CTIF: variants seen among roughly 807,000 people sequenced by gnomAD.
CTIF encodes the protein cap binding complex dependent translation initiation factor, also known as CBP80/20-dependent translation initiation factor.
Under a neutral mutation model 66.0 loss-of-function variants are expected in CTIF, and 21 were observed. That is an observed-to-expected ratio of 0.32 (90% CI 0.23 to 0.46). CTIF has a LOEUF of 0.46. CTIF is among the 20% of genes least tolerant of loss of function. The pLI is 1.00. For synonymous variants in CTIF, 345 were observed against 326.4 expected (o/e 1.06, Z -0.62); for missense variants, 739 against 812.7 (o/e 0.91, Z 1.10).
At chr18:48,632,357 G>A (rs1033485341) in intron 2 of CTIF, among the ~76,000 whole-genome samples, 4 of 152,174 alleles carry the variant, frequency 2.6e-5, no homozygotes, top group African/African-American at 7.2e-5. Flanking sequence ...TCCTCCTGCT[G>A]GGGGTTGTGC....
At chr18:48,603,565 G>T (rs1194237450) in intron 1 of CTIF, among the ~76,000 whole-genome samples, 1 of 149,802 alleles carries the variant, frequency 6.7e-6, no homozygotes, top group Admixed American at 6.6e-5. Flanking sequence ...ATGGATAAAT[G>T]GGGGGGTGGA....
At chr18:48,583,012 C>T (rs2089693290) in intron 1 of CTIF, among the ~76,000 whole-genome samples, 1 of 152,220 alleles carries the variant, frequency 6.6e-6, no homozygotes, top group South Asian at 2.1e-4. Flanking sequence ...CTGGTATGCC[C>T]AGGGTGTGCC....
intron 7 of CTIF, among the ~76,000 whole-genome samples, chr18:48,755,538 G>C (rs1908267443): frequency 6.6e-6 from 1 of 152,202 alleles, no homozygotes; most frequent in African/African-American, 2.4e-5. Flanking sequence ...TCCAGGTGCT[G>C]GTGCTGATAG....
At chr18:48,606,587 C>T (rs2090205788) in intron 1 of CTIF, among the ~76,000 whole-genome samples, 1 of 152,238 alleles carries the variant, frequency 6.6e-6, no homozygotes, top group Admixed American at 6.5e-5. Context: ...ACTTCTGGCA[C>T]CCTGGACAGG....
chr18:48,733,825 C>T (rs1406869822), intron 7 of CTIF, among the ~76,000 whole-genome samples: 1 of 152,216 alleles, frequency 6.6e-6, no homozygotes, highest in Non-Finnish European at 1.5e-5. Flanking sequence ...TTGCTCCCAA[C>T]TCACCCTCGC....
intron 9 of CTIF, among the ~76,000 whole-genome samples, chr18:48,805,469 G>A (rs2068126529): frequency 1.3e-5 from 2 of 152,114 alleles, no homozygotes; most frequent in Admixed American, 1.3e-4. Flanking sequence ...CCTGAGGGGA[G>A]AGTCTGACAC....
In CTIF at chr18:48,632,411, C is replaced by T. The variant is rs577689764; in HGVS notation, c.181-4203C>T. Among the ~76,000 whole-genome samples the T allele has an allele frequency of 2.6e-4, 39 of 152,304 alleles. No individual in the cohort carries two copies. The South Asian group carries it at 7.7e-3, about 30-fold the overall frequency. Reference sequence around the variant, plus strand: ...GGTCTCTGGAATGAGGCTCTGTGGACTCCACCATCTTGCTGGCTTTCTTGT... The same window carrying T: ...GGTCTCTGGAATGAGGCTCTGTGGATTCCACCATCTTGCTGGCTTTCTTGT... On this transcript the variant is annotated intron_variant, in intron 2 of 11. Coordinates refer to ENST00000256413, the MANE Select transcript of CTIF (RefSeq NM_014772.3).
At chr18:48,565,579 GC>G (rs2089262287) in intron 1 of CTIF, 1 of 152,176 alleles carries the variant, frequency 6.6e-6, no homozygotes, top group African/African-American at 2.4e-5. Flanking sequence ...CCCAGAACCA[GC>G]CATGGAAACC....
intron 7 of CTIF, among the ~76,000 whole-genome samples, chr18:48,757,019 T>C (rs911441110): frequency 1.3e-5 from 2 of 152,194 alleles, no homozygotes; most frequent in African/African-American, 4.8e-5. Flanking sequence ...GATGAAGGTG[T>C]CGGTGGGGTT....
chr18:48,728,470 G>T (rs867270407), intron 7 of CTIF, among the ~76,000 whole-genome samples: 121 of 152,274 alleles, frequency 7.9e-4, no homozygotes, highest in African/African-American at 2.7e-3. Flanking sequence ...AGTTTATGAC[G>T]GTCAAGCATC....
At chr18:48,788,077 C>A (rs910953372) in intron 9 of CTIF, among the ~76,000 whole-genome samples, 2 of 151,470 alleles carry the variant, frequency 1.3e-5, no homozygotes, top group African/African-American at 4.9e-5. Context: ...GAGCTGGGAC[C>A]CCCCCTTTCA....
At chr18:48,804,614 C>A (rs1402670228) in intron 9 of CTIF, among the ~76,000 whole-genome samples, 2 of 152,230 alleles carry the variant, frequency 1.3e-5, no homozygotes, top group African/African-American at 4.8e-5. Context: ...TATTCAGCAC[C>A]TACTTTGCAC....
intron 7 of CTIF, among the ~76,000 whole-genome samples, chr18:48,725,132 C>T (rs1230944560): frequency 6.6e-6 from 1 of 152,218 alleles, no homozygotes; most frequent in Non-Finnish European, 1.5e-5. Flanking sequence ...TCCAGACTGG[C>T]TCTGCATGTC....
In CTIF at chr18:48,693,977, C is replaced by T. The variant is rs542077069; in HGVS notation, c.508-17642C>T. On this transcript the variant is annotated intron_variant, in intron 6 of 11. Transcript: ENST00000256413. ...TGCAGTTTATGCGTTGGTGCCTATGCGGGGAATTTTTAAAACCACATTTTG... is the reference window on the plus strand; with the variant it reads ...TGCAGTTTATGCGTTGGTGCCTATGTGGGGAATTTTTAAAACCACATTTTG... Among the ~76,000 whole-genome samples, 12 of 152,324 alleles carry T rather than the reference C, an allele frequency of 7.9e-5. 1 individual carries two copies. Among genetic ancestry groups the T allele is most frequent in the South Asian group, 4.1e-4 (2 of 4,826 alleles).
chr18:48,601,735 T>C (rs2090094736), intron 1 of CTIF, among the ~76,000 whole-genome samples: 1 of 152,244 alleles, frequency 6.6e-6, no homozygotes, highest in South Asian at 2.1e-4. Context: ...TATGTTCAAC[T>C]CACTGTCTTG....
intron 6 of CTIF, among the ~76,000 whole-genome samples, chr18:48,708,003 A>G (rs1433214882): frequency 1.3e-5 from 2 of 152,198 alleles, no homozygotes; most frequent in African/African-American, 4.8e-5. Context: ...CTTTCCCTGA[A>G]CATGATGTTT....
intron 1 of CTIF, among the ~76,000 whole-genome samples, chr18:48,540,668 C>A (rs1555641438): frequency 1.3e-5 from 2 of 152,034 alleles, no homozygotes; most frequent in Non-Finnish European, 2.9e-5. Flanking sequence ...GCGTCTCCAC[C>A]CCGAGGAGTG....
chr18:48,658,884 AC>A (rs1349853521), intron 3 of CTIF, among the ~76,000 whole-genome samples: 1 of 152,092 alleles, frequency 6.6e-6, no homozygotes, highest in Non-Finnish European at 1.5e-5. Flanking sequence ...CTGGGGAAGG[AC>A]ATGTGAAAAC....
intron 10 of CTIF, among the ~76,000 whole-genome samples, chr18:48,825,354 G>A (rs2068562679): frequency 6.6e-6 from 1 of 152,160 alleles, no homozygotes; most frequent in Non-Finnish European, 1.5e-5. Context: ...AACTGGCTGC[G>A]CTCCTAGAGG....
Sources: gnomAD v4.1 joint callset for allele counts (sites outside exome capture counted in the v4.1 genomes callset) on GRCh38, gnomAD v4.1.1 for gene constraint, MANE v1.5 for transcripts, NCBI Gene and HGNC (gene_info 2026-07-23, HGNC 2026-07-21) for gene names.